The following MYBL1 variants were observed in gnomAD, a reference collection of about 807,000 sequenced individuals.
MYBL1 encodes myb-related protein A.
In MYBL1, 17 loss-of-function variants were observed where a neutral mutation model predicts 96.3. The ratio of observed to expected loss-of-function variants is 0.18; its 90% CI spans 0.12 to 0.26. The LOEUF (loss-of-function observed/expected upper bound fraction) is 0.26. Among genes scored for constraint, MYBL1 ranks in the 10% least tolerant of loss-of-function variants. The probability of loss-of-function intolerance (pLI) is 1.00; values close to 1 mark genes in which losing one functional copy is unlikely to be tolerated. For synonymous variants in MYBL1, 282 were observed against 292.7 expected, an observed-to-expected ratio of 0.96 and a Z score of 0.37; for missense variants, 701 against 882.9, an observed-to-expected ratio of 0.79 and a Z score of 2.61.
chr8:66,563,145 T>G lies in MYBL1; in HGVS notation c.*1552A>C, dbSNP rs570559933. 1 of 152,664 alleles carries G rather than the reference T, an allele frequency of 6.6e-6. No individual in the cohort carries two copies. The highest frequency in any genetic ancestry group is 2.1e-4 in the South Asian group (1 of 4,824). The allele number at this position is 152,664 out of a possible 1,614,324, so 9.5% of individuals were successfully genotyped here. On this transcript the variant is annotated 3_prime_UTR_variant, in exon 16 of 16. Transcript: ENST00000522677. Reference sequence around the variant, plus strand: ...TTTGCCTGGTAATGGTTGATTCCATTTAGTTAACTTGAGAACTTGCCATCA... The same window carrying G: ...TTTGCCTGGTAATGGTTGATTCCATGTAGTTAACTTGAGAACTTGCCATCA...
intron 4 of MYBL1, among the ~76,000 whole-genome samples, chr8:66,598,094 T>C (rs985944653): frequency 4.6e-5 from 7 of 152,084 alleles, no homozygotes; most frequent in African/African-American, 1.7e-4. Flanking sequence ...CTCATAAACA[T>C]TTTATATTGG....
At chr8:66,580,496 C>G (rs1809163292) in intron 8 of MYBL1, 130 bp from the exon 9 acceptor site, 3 of 628,964 alleles carry the variant, frequency 4.8e-6, no homozygotes. Context: ...AATTGGTATA[C>G]TTTTTTCATT....
At chr8:66,596,558 T>A (rs1809857107) in intron 5 of MYBL1, among the ~76,000 whole-genome samples, 1 of 152,170 alleles carries the variant, frequency 6.6e-6, no homozygotes, top group Non-Finnish European at 1.5e-5. Flanking sequence ...TTTAACACTA[T>A]GCCTTAATAT....
At chr8:66,576,902 G>C (rs1321323632) in intron 9 of MYBL1, among the ~76,000 whole-genome samples, 1 of 152,140 alleles carries the variant, frequency 6.6e-6, no homozygotes, top group African/African-American at 2.4e-5. Context: ...CTTCATCCCT[G>C]GGATGCAAGG....
At chr8:66,572,915 A>T (rs1808791386) in intron 11 of MYBL1, among the ~76,000 whole-genome samples, 1 of 152,134 alleles carries the variant, frequency 6.6e-6, no homozygotes, top group Non-Finnish European at 1.5e-5. Context: ...TAAGGTTATG[A>T]TTTAAAAAAA....
At chr8:66,592,726 T>C (rs1409161697) in intron 7 of MYBL1, among the ~76,000 whole-genome samples, 182 bp from the exon 8 acceptor site, 2 of 152,166 alleles carry the variant, frequency 1.3e-5, no homozygotes, top group African/African-American at 2.4e-5. Flanking sequence ...TGCTGGCAAA[T>C]ATTTTCAACT....
rs531446660 is a variant in MYBL1 at position 66,575,940 on chromosome 8, A to G, written c.1470+67T>C. ...TCAAAGCTACCAACTGCTAGTAAGG[A>G]TGTTAAAGATCTAATTTAATGTAAC... On this transcript the variant is annotated intron_variant, in intron 10 of 15. Transcript: ENST00000522677. 2.1e-5 allele frequency: 31 copies of G among 1,484,544 alleles called. No individual in the cohort carries two copies. In the South Asian group the frequency reaches 2.3e-4, roughly 11 times the overall value. The allele number at this position is 1,484,544 out of a possible 1,614,324, so 92.0% of individuals were successfully genotyped here.
intron 4 of MYBL1, among the ~76,000 whole-genome samples, chr8:66,598,508 G>T (rs780885338): frequency 2.6e-4 from 40 of 152,266 alleles, no homozygotes; most frequent in Non-Finnish European, 4.7e-4. Context: ...GACTTAAAGG[G>T]CATTAACTAA....
chr8:66,598,038 AG>A (rs2129980436), intron 4 of MYBL1, among the ~76,000 whole-genome samples: 1 of 152,252 alleles, frequency 6.6e-6, no homozygotes, highest in South Asian at 2.1e-4. Flanking sequence ...TTGCAAGAAT[AG>A]TTATTCCAGC....
intron 15 of MYBL1, 48 bp downstream of exon 15, chr8:66,566,016 T>A (rs924546128): frequency 3.1e-6 from 4 of 1,277,498 alleles, no homozygotes; most frequent in Non-Finnish European, 3.2e-6. Flanking sequence ...AAAGTGATCA[T>A]TGACTAAACA....
intron 8 of MYBL1, among the ~76,000 whole-genome samples, chr8:66,590,636 T>C (rs1329381929): frequency 6.6e-6 from 1 of 151,080 alleles, no homozygotes; most frequent in Non-Finnish European, 1.5e-5. Flanking sequence ...AGGGCCAAGA[T>C]TGCACCACTG....
chr8:66,596,147 T>C (rs1309280368), intron 5 of MYBL1, among the ~76,000 whole-genome samples: 5 of 152,104 alleles, frequency 3.3e-5, no homozygotes, highest in Admixed American at 3.3e-4. Flanking sequence ...AACGGAGTAA[T>C]TTTGGTTTGG....
Position 66,573,407 on chromosome 8 carries a change from G to A in MYBL1, c.1570C>T (p.Leu524Phe). 1 of 1,612,204 alleles carries A rather than the reference G, an allele frequency of 6.2e-7. No homozygotes were observed. The highest frequency in any genetic ancestry group is 8.5e-7 in the Non-Finnish European group (1 of 1,179,224). The stretch of plus-strand genomic sequence containing the variant: ...TCTTTGGGAGTTGTTTCCTTATGAA[G>A]AGGAGTTGTAATGAGAGCTTTCTGC... Reference protein sequence around the residue: ...CGQKALITTPLHKETTPKDQK... With the variant: ...CGQKALITTPFHKETTPKDQK... Residue 524 changes from leucine (L) to phenylalanine (F), a missense_variant, in exon 11 of 16, where the codon CTT becomes TTT. This residue lies in a region of MYBL1 where 396 missense variants were observed against 407.4 expected (regional missense o/e 0.97). Transcript: ENST00000522677.
At chr8:66,581,648 C>A (rs555700170) in intron 8 of MYBL1, among the ~76,000 whole-genome samples, 1 of 152,196 alleles carries the variant, frequency 6.6e-6, no homozygotes, top group Admixed American at 6.5e-5. Context: ...CACACTCCAG[C>A]CTGGCTGACA....
At chr8:66,610,493 T>A (rs190959794) in intron 1 of MYBL1, among the ~76,000 whole-genome samples, 42 of 151,994 alleles carry the variant, frequency 2.8e-4, no homozygotes, top group African/African-American at 1.0e-3. Context: ...CAGCAAAGTA[T>A]AGTTTTCACT....
Position 66,580,314 on chromosome 8 carries a change from A to G in MYBL1, c.920T>C (p.Met307Thr). 6.2e-7 allele frequency: 1 copy of G among 1,613,672 alleles called. No individual in the cohort carries two copies. The highest frequency in any genetic ancestry group is 8.5e-7 in the Non-Finnish European group (1 of 1,179,646). The change falls in exon 9 of 16, where the codon ATG (methionine) becomes ACG (threonine). Residue 307 changes from methionine (M) to threonine (T), a missense_variant. Transcript: ENST00000522677. ...WSGSFLMDDN[M>T]SNTLNSLDEH... is the part of the protein sequence containing the mutation. ...GTCAAGGCTATTTAGAGTATTAGACATGTTATCATCCATGAGGAAACTACC... is the reference window on the plus strand; with the variant it reads ...GTCAAGGCTATTTAGAGTATTAGACGTGTTATCATCCATGAGGAAACTACC...
Position 66,597,506 on chromosome 8 carries a change from T to C in MYBL1, c.336A>G (p.Leu112=), listed in dbSNP as rs61729521. ...TTCTTCCTTTTAAATGTTTTGCAATTAAAGACCATCTTTTTGGCCCATATT... is the reference window on the plus strand; with the variant it reads ...TTCTTCCTTTTAAATGTTTTGCAATCAAAGACCATCTTTTTGGCCCATATT... The part of the protein sequence containing the change: ...VQKYGPKRWS[L]IAKHLKGRIG... The change falls in exon 5 of 16, where the codon TTA becomes TTG. Residue 112 remains leucine, a synonymous_variant. Transcript: ENST00000522677. 4 of 1,613,112 alleles carry C rather than the reference T, an allele frequency of 2.5e-6. No homozygotes were observed. The African/African-American group carries it at 5.3e-5, about 22-fold the overall frequency.
intron 4 of MYBL1, 127 bp downstream of exon 4, chr8:66,598,923 T>A: frequency 2.0e-6 from 1 of 490,484 alleles, no homozygotes; most frequent in Admixed American, 4.4e-5. Context: ...TCAATTCTTA[T>A]GCAAGTAGCC....
chr8:66,589,674 G>A (rs113098161), intron 8 of MYBL1, among the ~76,000 whole-genome samples: 7,199 of 151,954 alleles, frequency 0.047, 614 homozygotes, highest in African/African-American at 0.16. Context: ...TGTAGAGATG[G>A]GGTCTCACTA....
Sources: allele counts gnomAD v4.1 joint callset (sites outside exome capture counted in the v4.1 genomes callset), GRCh38; gene constraint gnomAD v4.1.1; regional missense constraint gnomAD v4.1.1; transcripts MANE v1.5; gene names NCBI Gene and HGNC (gene_info 2026-07-23, HGNC 2026-07-21).